RAB38: variants seen among roughly 807,000 people sequenced by gnomAD.
The protein encoded by RAB38 is ras-related protein Rab-38.
Under a neutral mutation model 18.4 loss-of-function variants are expected in RAB38, and 15 were observed. The observed-to-expected ratio is 0.82, with a 90% CI of 0.55 to 1.26. The LOEUF is 1.26. Among genes scored for constraint, RAB38 ranks in the 50% most tolerant of loss-of-function variants. RAB38 has a pLI of 0.00. For synonymous variants in RAB38, 101 were observed against 104.4 expected (o/e 0.97, Z 0.20); for missense variants, 294 against 267.4 (o/e 1.10, Z -0.69).
chr11:88,056,050 T>C, the RAB38 span, among the ~76,000 whole-genome samples: 1 of 152,106 alleles, frequency 6.6e-6, no homozygotes, highest in East Asian at 1.9e-4. Flanking sequence ...GGGCAGTTTA[T>C]ACATAATAAT....
chr11:87,885,840 A>G, the RAB38 span, among the ~76,000 whole-genome samples: 1 of 152,106 alleles, frequency 6.6e-6, no homozygotes, highest in South Asian at 2.1e-4. Context: ...AATTACTTAT[A>G]TCAATCAAAG....
At chr11:87,943,320 G>T in the RAB38 span, among the ~76,000 whole-genome samples, 1 of 152,220 alleles carries the variant, frequency 6.6e-6, no homozygotes, top group South Asian at 2.1e-4. Flanking sequence ...AACTGGATTT[G>T]TGGGTTGATG....
At chr11:88,046,379 T>TA in the RAB38 span, among the ~76,000 whole-genome samples, 1 of 152,206 alleles carries the variant, frequency 6.6e-6, no homozygotes, top group South Asian at 2.1e-4. Flanking sequence ...CAAACCCATA[T>TA]ACTCTCCTAT....
At chr11:87,804,003 T>C in the RAB38 span, among the ~76,000 whole-genome samples, 54 of 152,366 alleles carry the variant, frequency 3.5e-4, no homozygotes, top group African/African-American at 1.3e-3. Flanking sequence ...CTTCCACATA[T>C]GCATATGCCA....
the RAB38 span, among the ~76,000 whole-genome samples, chr11:88,016,868 C>T: frequency 7.5e-4 from 114 of 152,100 alleles, no homozygotes; most frequent in Non-Finnish European, 1.1e-3. Flanking sequence ...TTGCTGGGCA[C>T]GAATCTGGGT....
the RAB38 span, among the ~76,000 whole-genome samples, chr11:88,031,139 C>T: frequency 3.7e-4 from 56 of 152,144 alleles, 1 homozygote; most frequent in South Asian, 6.7e-3. Context: ...ACATGATTAT[C>T]TCAATAGATG....
the RAB38 span, among the ~76,000 whole-genome samples, chr11:87,931,317 T>C: frequency 6.6e-6 from 1 of 152,104 alleles, no homozygotes; most frequent in Non-Finnish European, 1.5e-5. Flanking sequence ...TTGGGTTGTC[T>C]ATTTTTGTTT....
the RAB38 span, among the ~76,000 whole-genome samples, chr11:87,948,512 G>A: frequency 6.6e-6 from 1 of 151,838 alleles, no homozygotes; most frequent in Non-Finnish European, 1.5e-5. Context: ...TGCCCATTCA[G>A]TATGATATTG....
Position 88,175,415 on chromosome 11 carries a change from A to C in RAB38, c.-31T>G. The C allele has an allele frequency of 1.3e-6, 2 of 1,571,204 alleles. No homozygotes were observed. The highest frequency in any genetic ancestry group is 8.7e-7 in the Non-Finnish European group (1 of 1,152,944). On this transcript the variant is annotated 5_prime_UTR_variant, in exon 1 of 3. Coordinates refer to ENST00000243662, the MANE Select transcript of RAB38 (RefSeq NM_022337.3). ...CGGCCGGCCAGACGTGCCGTGCCTG[A>C]CCAGGGAAGCGCAGCCTGGGCTCTG...
chr11:87,880,104 T>G, the RAB38 span: 1 of 151,764 alleles, frequency 6.6e-6, no homozygotes, highest in Non-Finnish European at 1.5e-5. Flanking sequence ...CATAGATTAT[T>G]TTGCTTCCTA....
the RAB38 span, among the ~76,000 whole-genome samples, chr11:87,899,578 T>C: frequency 6.6e-6 from 1 of 151,554 alleles, no homozygotes; most frequent in Non-Finnish European, 1.5e-5. Context: ...GGGAAGAAAG[T>C]TTCTAGACAA....
At chr11:87,807,255 T>C in the RAB38 span, among the ~76,000 whole-genome samples, 1 of 151,858 alleles carries the variant, frequency 6.6e-6, no homozygotes, top group Admixed American at 6.6e-5. Flanking sequence ...GCATAGAAAA[T>C]ATTTTCTTCA....
the RAB38 span, among the ~76,000 whole-genome samples, chr11:88,038,169 C>T: frequency 3.7e-3 from 563 of 152,206 alleles, 5 homozygotes; most frequent in Admixed American, 4.7e-3. Flanking sequence ...CAAGATATTT[C>T]CCTGCAAAAA....
chr11:87,958,937 A>C, the RAB38 span, among the ~76,000 whole-genome samples: 1 of 152,170 alleles, frequency 6.6e-6, no homozygotes, highest in African/African-American at 2.4e-5. Flanking sequence ...AAGACAATAG[A>C]GAATTGTAAT....
the RAB38 span, among the ~76,000 whole-genome samples, chr11:87,939,565 G>A: frequency 6.6e-6 from 1 of 152,004 alleles, no homozygotes; most frequent in Non-Finnish European, 1.5e-5. Flanking sequence ...ATCTTAAAGA[G>A]CAGCACAGTT....
chr11:88,011,979 A>T, the RAB38 span, among the ~76,000 whole-genome samples: 3 of 152,038 alleles, frequency 2.0e-5, no homozygotes, highest in Admixed American at 6.6e-5. Context: ...CATGGGGCAC[A>T]CTCACTCTCT....
chr11:87,952,810 A>G, the RAB38 span, among the ~76,000 whole-genome samples: 4 of 152,202 alleles, frequency 2.6e-5, no homozygotes, highest in Non-Finnish European at 5.9e-5. Context: ...GATTATAACA[A>G]TAGCACATGC....
chr11:87,977,637 A>G, the RAB38 span, among the ~76,000 whole-genome samples: 1 of 118,424 alleles, frequency 8.4e-6, no homozygotes, highest in African/African-American at 3.3e-5. Context: ...TATATTATAT[A>G]ATTATATAAA....
At chr11:88,028,859 G>A in the RAB38 span, among the ~76,000 whole-genome samples, 1 of 151,722 alleles carries the variant, frequency 6.6e-6, no homozygotes, top group Non-Finnish European at 1.5e-5. Flanking sequence ...CCAACATTCA[G>A]ATTCAGGAAA....
Sources: gnomAD v4.1 joint callset for allele counts (sites outside exome capture counted in the v4.1 genomes callset) on GRCh38, gnomAD v4.1.1 for gene constraint, MANE v1.5 for transcripts, NCBI Gene and HGNC (gene_info 2026-07-23, HGNC 2026-07-21) for gene names.